The following OR13A1 variants were observed in gnomAD, a reference collection of about 807,000 sequenced individuals.
The protein encoded by OR13A1 is olfactory receptor 13A1.
In OR13A1, 10 loss-of-function variants were observed where a neutral mutation model predicts 7.5. The observed-to-expected ratio is 1.34, with a 90% CI of 0.83 to 2.27. The LOEUF (loss-of-function observed/expected upper bound fraction) is 2.27. Ranked by LOEUF, OR13A1 falls within the 30% of genes most tolerant of loss-of-function variation. The probability of loss-of-function intolerance (pLI) is 0.00; values close to 1 mark genes in which losing one functional copy is unlikely to be tolerated. For missense variants in OR13A1, 509 were observed against 419.1 expected (o/e 1.21, Z -1.87); for synonymous variants, 238 against 177.9 (o/e 1.34, Z -2.69).
At chr10:45,314,562 T>C (rs1838494417) in intron 1 of OR13A1, among the ~76,000 whole-genome samples, 1 of 151,102 alleles carries the variant, frequency 6.6e-6, no homozygotes, top group Non-Finnish European at 1.5e-5. Flanking sequence ...ATCCTAAAGA[T>C]TAGATTAAAT....
chr10:45,304,146 A>C lies in OR13A1; in HGVS notation c.277T>G (p.Ser93Ala). The C allele has an allele frequency of 6.2e-7, 1 of 1,614,224 alleles. No homozygotes were observed. Among genetic ancestry groups the C allele is most frequent in the African/African-American group, 1.3e-5 (1 of 75,060 alleles). ...NLATMDIICT[S>A]SIMPKALASL... ...GCCAGCGCCTTGGGCATGATGGAAG[A>C]GGTGCAGATAATGTCCATAGTAGCC... The change falls in exon 4 of 4, where the codon TCT (serine) becomes GCT (alanine). Residue 93 changes from serine (S) to alanine (A), a missense_variant. Coordinates refer to ENST00000553795, the MANE Select transcript of OR13A1 (RefSeq NM_001004297.3).
intron 1 of OR13A1, among the ~76,000 whole-genome samples, chr10:45,311,471 A>G (rs184818662): frequency 2.1e-3 from 323 of 152,270 alleles, no homozygotes; most frequent in African/African-American, 7.4e-3. Context: ...AAACATTGTT[A>G]TTTTCTTTTA....
In OR13A1 at chr10:45,303,329, T is replaced by C; in HGVS notation, c.*107A>G. On this transcript the variant is annotated 3_prime_UTR_variant, in exon 4 of 4. Transcript: ENST00000553795. ...TCCCAGCTCATCCATGCACAGGTTC[T>C]GCTGGGTTAGAAAAAACAAGTCTAT... 1 of 1,203,352 alleles carries C rather than the reference T, an allele frequency of 8.3e-7. No homozygotes were observed. The highest frequency in any genetic ancestry group is 1.2e-6 in the Non-Finnish European group (1 of 853,802). The allele number at this position is 1,203,352 out of a possible 1,614,324, so 74.5% of individuals were successfully genotyped here.
intron 1 of OR13A1, among the ~76,000 whole-genome samples, chr10:45,309,670 G>A (rs1384327844): frequency 6.6e-6 from 1 of 152,068 alleles, no homozygotes; most frequent in African/African-American, 2.4e-5. Flanking sequence ...TACAGGAAAG[G>A]GGATTGGCAA....
chr10:45,309,652 G>C (rs1838404200), intron 1 of OR13A1, among the ~76,000 whole-genome samples: 1 of 152,060 alleles, frequency 6.6e-6, no homozygotes, highest in African/African-American at 2.4e-5. Flanking sequence ...CCTTATCACA[G>C]TACCTAATAC....
intron 3 of OR13A1, among the ~76,000 whole-genome samples, chr10:45,306,128 T>C (rs895727666): frequency 3.9e-5 from 6 of 152,236 alleles, no homozygotes; most frequent in African/African-American, 1.4e-4. Flanking sequence ...AGTGCACATT[T>C]GGTTTTTCCC....
intron 1 of OR13A1, among the ~76,000 whole-genome samples, chr10:45,313,606 A>T (rs1838478971): frequency 6.6e-6 from 1 of 152,100 alleles, no homozygotes; most frequent in Non-Finnish European, 1.5e-5. Context: ...AAATAAAAGC[A>T]AGCAGAAGTG....
At chr10:45,306,704 C>A (rs917093001) in intron 3 of OR13A1, among the ~76,000 whole-genome samples, 1 of 152,098 alleles carries the variant, frequency 6.6e-6, no homozygotes, top group Non-Finnish European at 1.5e-5. Context: ...AATAGGCAAG[C>A]ATAAAATCCC....
Position 45,303,505 on chromosome 10 carries a change from GA to G in OR13A1, c.917del (p.Leu306ProfsTer5). On this transcript the variant is annotated frameshift_variant, in exon 4 of 4. Coordinates refer to ENST00000553795, the MANE Select transcript of OR13A1 (RefSeq NM_001004297.3). LOFTEE classifies it low-confidence loss of function (END_TRUNC). ...YTVLSPTLNP[L>X]IYTLRNKEVK... ...CCTCCTTGTTTCTCAAAGTATAGAT[GA>G]GGGGGTTGAGGGTAGGACTCAGCAC... 1 of 1,614,100 alleles carries G rather than the reference GA, an allele frequency of 6.2e-7. No individual in the cohort carries two copies. The highest frequency in any genetic ancestry group is 1.1e-5 in the South Asian group (1 of 91,068).
chr10:45,311,745 C>A (rs1287720606), intron 1 of OR13A1, among the ~76,000 whole-genome samples: 1 of 145,956 alleles, frequency 6.9e-6, no homozygotes, highest in African/African-American at 2.7e-5. Flanking sequence ...AGGCTTAGTA[C>A]CTGAGTGATG....
At chr10:45,312,932 A>T (rs1222686129) in intron 1 of OR13A1, among the ~76,000 whole-genome samples, 1 of 152,110 alleles carries the variant, frequency 6.6e-6, no homozygotes, top group Non-Finnish European at 1.5e-5. Flanking sequence ...AAACAAAAGG[A>T]TGCTAAATAG....
chr10:45,307,475 T>G lies in OR13A1; in HGVS notation c.-62A>C, dbSNP rs2133040666. 1 of 151,564 alleles carries G rather than the reference T, an allele frequency of 6.6e-6. No individual in the cohort carries two copies. The highest frequency in any genetic ancestry group is 1.9e-4 in the East Asian group (1 of 5,180). 9.4% of individuals were successfully genotyped at this position (151,564 alleles called of 1,614,324 possible). ...CAGGAGGACAGTCTTCTCAATCAAC[T>G]GGTCAATAATGAGATCAAAGAATCG... On this transcript the variant is annotated 5_prime_UTR_variant, in exon 3 of 4. Transcript: ENST00000553795.
intron 1 of OR13A1, among the ~76,000 whole-genome samples, chr10:45,311,666 A>G (rs1483955954): frequency 2.0e-5 from 3 of 152,142 alleles, no homozygotes; most frequent in Non-Finnish European, 4.4e-5. Flanking sequence ...GGAACAATAA[A>G]CACTGGGGCC....
intron 1 of OR13A1, among the ~76,000 whole-genome samples, chr10:45,314,283 T>C (rs1261314110): frequency 6.6e-6 from 1 of 152,192 alleles, no homozygotes; most frequent in South Asian, 2.1e-4. Context: ...ATTTTATAGC[T>C]ATAAATATGT....
intron 1 of OR13A1, among the ~76,000 whole-genome samples, chr10:45,314,734 A>G (rs1165431273): frequency 6.6e-6 from 1 of 152,154 alleles, no homozygotes; most frequent in Admixed American, 6.5e-5. Context: ...GAACATTAGA[A>G]CCCATGCCAT....
chr10:45,314,922 C>T (rs1426696131), intron 1 of OR13A1, among the ~76,000 whole-genome samples: 4 of 152,000 alleles, frequency 2.6e-5, no homozygotes, highest in Non-Finnish European at 5.9e-5. Flanking sequence ...GTTCAAAAAC[C>T]TCCAAACAAA....
intron 3 of OR13A1, among the ~76,000 whole-genome samples, chr10:45,306,486 T>C (rs2133039300): frequency 6.6e-6 from 1 of 152,286 alleles, no homozygotes; most frequent in East Asian, 1.9e-4. Flanking sequence ...AAGATATTCA[T>C]TTTAAAAATG....
chr10:45,303,423 C>A lies in OR13A1; in HGVS notation c.*13G>T. The A allele has an allele frequency of 1.3e-6, 2 of 1,574,152 alleles. No homozygotes were observed. The highest frequency in any genetic ancestry group is 1.2e-5 in the South Asian group (1 of 84,922). The stretch of plus-strand genomic sequence containing the variant: ...CTGCAGTCTCCAAGGACAAAAACTT[C>A]AGAAGACACAAGTTAATTTCTGAAG... On this transcript the variant is annotated 3_prime_UTR_variant, in exon 4 of 4. Coordinates refer to ENST00000553795, the MANE Select transcript of OR13A1 (RefSeq NM_001004297.3).
intron 1 of OR13A1, chr10:45,308,663 T>A (rs1474895299): frequency 6.6e-6 from 1 of 152,174 alleles, no homozygotes; most frequent in Non-Finnish European, 1.5e-5. Flanking sequence ...ACTTTTCCCA[T>A]TTTTTAAATG....
Sources: gnomAD v4.1 joint callset for allele counts (sites outside exome capture counted in the v4.1 genomes callset) on GRCh38, gnomAD v4.1.1 for gene constraint, MANE v1.5 for transcripts, NCBI Gene and HGNC (gene_info 2026-07-23, HGNC 2026-07-21) for gene names.